The following KATNB1 variants were observed in gnomAD, a reference collection of about 807,000 sequenced individuals.
KATNB1 encodes the protein katanin regulatory subunit B1.
Under a neutral mutation model 82.3 loss-of-function variants are expected in KATNB1, and 38 were observed. That is an observed-to-expected ratio of 0.46 (90% CI 0.36 to 0.61). KATNB1 has a LOEUF of 0.61. Among genes scored for constraint, KATNB1 ranks in the 20% least tolerant of loss-of-function variants. The pLI is 0.00. For synonymous variants in KATNB1, 361 were observed against 368.7 expected (o/e 0.98, Z 0.24); for missense variants, 749 against 915.7 (o/e 0.82, Z 2.35).
intron 4 of KATNB1, among the ~76,000 whole-genome samples, chr16:57,748,330 C>G (rs1268143598): frequency 6.6e-6 from 1 of 152,034 alleles, no homozygotes; most frequent in Admixed American, 6.6e-5. Context: ...GGAAAGGTTC[C>G]AAAGAGAGCT....
In KATNB1 at chr16:57,750,810, G is replaced by T. The variant is rs782227383; in HGVS notation, c.290-17G>T. ...CATTTGCCTCTTAGCCACTGTCTCT[G>T]CTTTCCTTCTTGTTAGTTCTTCGCA... On this transcript the variant is annotated splice_polypyrimidine_tract_variant and intron_variant, in intron 4 of 19. Transcript: ENST00000379661. 8.1e-6 allele frequency: 13 copies of T among 1,608,106 alleles called. No individual in the cohort carries two copies. In the African/African-American group the frequency reaches 1.6e-4, roughly 20 times the overall value.
In KATNB1 at chr16:57,744,503, C is replaced by G. The variant is rs1555580760; in HGVS notation, c.281C>G (p.Ala94Gly). 1 of 1,613,660 alleles carries G rather than the reference C, an allele frequency of 6.2e-7. No homozygotes were observed. Among genetic ancestry groups the G allele is most frequent in the South Asian group, 1.1e-5 (1 of 91,084 alleles). Residue 94 changes from alanine (A) to glycine (G), a missense_variant, in exon 4 of 20, where the codon GCT becomes GGT. By Grantham distance (60) the Ala-to-Gly change is moderately conservative. Coordinates refer to ENST00000379661, the MANE Select transcript of KATNB1 (RefSeq NM_005886.3). The stretch of plus-strand genomic sequence containing the variant: ...TCCATCCGTGTCTGGGACCTGGAAG[C>G]TGCCAAAAGTAGGCCTCCGAGCTTG... ...SGSIRVWDLE[A>G]AKILRTLMGH...
chr16:57,750,500 C>A (rs1445865509), intron 4 of KATNB1, among the ~76,000 whole-genome samples: 1 of 152,096 alleles, frequency 6.6e-6, no homozygotes, highest in Non-Finnish European at 1.5e-5. Flanking sequence ...GTGGCACATG[C>A]TTGTAATCCC....
In KATNB1 at chr16:57,754,882, G is replaced by C. The variant is rs374188327; in HGVS notation, c.1229-48G>C. 2.5e-5 allele frequency: 40 copies of C among 1,602,712 alleles called. No homozygotes were observed. In the African/African-American group the frequency reaches 4.2e-4, roughly 17 times the overall value. On this transcript the variant is annotated intron_variant, in intron 13 of 19. Transcript: ENST00000379661. ...TCCCGCCCTGAGCCCTGCCCTTCTT[G>C]CCAGGCCCTTCTGGCCGGACCCAGT...
rs1282096469 is a variant in KATNB1, at chr16:57,737,226, G to A, written c.-18G>A. On this transcript the variant is annotated 5_prime_UTR_variant, in exon 2 of 20. The change creates a new upstream start codon in the 5' untranslated region. Coordinates refer to ENST00000379661, the MANE Select transcript of KATNB1 (RefSeq NM_005886.3). ...GTTTATTTTGTGGGTGGGGCTTCAG[G>A]TGCCAGCCAGCTGAAGGATGGCCAC... 6.2e-7 allele frequency: 1 copy of A among 1,614,102 alleles called. No individual in the cohort carries two copies. Among genetic ancestry groups the A allele is most frequent in the South Asian group, 1.1e-5 (1 of 91,082 alleles).
At chr16:57,753,880 A>G in intron 12 of KATNB1, 65 bp from the exon 13 acceptor site, 1 of 1,508,374 alleles carries the variant, frequency 6.6e-7, no homozygotes, top group South Asian at 1.1e-5. Context: ...CACTCTGGAC[A>G]GGGCCCTGGG....
chr16:57,748,771 A>G (rs1237652062), intron 4 of KATNB1, among the ~76,000 whole-genome samples: 1 of 152,226 alleles, frequency 6.6e-6, no homozygotes, highest in East Asian at 1.9e-4. Flanking sequence ...AGCTCAGCGC[A>G]GGGGATCCCA....
chr16:57,755,020 G>T (rs1346780501), intron 14 of KATNB1, 23 bp downstream of exon 14: 1 of 1,613,768 alleles, frequency 6.2e-7, no homozygotes, highest in Admixed American at 1.7e-5. Flanking sequence ...AGGGAGCATG[G>T]TGTGGGGCCT....
chr16:57,741,115 T>C (rs2049138701), intron 2 of KATNB1, among the ~76,000 whole-genome samples: 1 of 152,194 alleles, frequency 6.6e-6, no homozygotes, highest in South Asian at 2.1e-4. Flanking sequence ...ATTGTGAATC[T>C]GAGCCGAAGC....
Position 57,755,982 on chromosome 16 carries a change from C to T in KATNB1, c.1644-10C>T. Reference sequence around the variant, plus strand: ...CTGGGCTGATGGCAGCATGTCCTGGCCTCTCCTAGCTCCCTGTGGAAGCTG... The same window carrying T: ...CTGGGCTGATGGCAGCATGTCCTGGTCTCTCCTAGCTCCCTGTGGAAGCTG... On this transcript the variant is annotated splice_polypyrimidine_tract_variant and intron_variant, in intron 17 of 19. Transcript: ENST00000379661. 2.5e-6 allele frequency: 4 copies of T among 1,613,404 alleles called. No individual in the cohort carries two copies. Among genetic ancestry groups the T allele is most frequent in the Non-Finnish European group, 3.4e-6 (4 of 1,179,924 alleles).
intron 3 of KATNB1, among the ~76,000 whole-genome samples, chr16:57,742,182 C>T (rs1439255252): frequency 6.6e-6 from 1 of 152,354 alleles, no homozygotes; most frequent in African/African-American, 2.4e-5. Context: ...TCCCACCTGC[C>T]CATCTGCCTG....
intron 8 of KATNB1, 70 bp from the exon 9 acceptor site, chr16:57,752,460 G>A: frequency 7.2e-7 from 1 of 1,392,190 alleles, no homozygotes; most frequent in South Asian, 1.2e-5. Flanking sequence ...GAGAAAAGCT[G>A]GCTTCCCAGG....
chr16:57,753,345 T>C, intron 11 of KATNB1, 44 bp from the exon 12 acceptor site: 1 of 1,591,862 alleles, frequency 6.3e-7, no homozygotes, highest in Non-Finnish European at 8.6e-7. Flanking sequence ...GCCCTGGGCC[T>C]CACAGGGCAC....
At position 57,755,944 on chromosome 16, in the gene KATNB1, C is replaced by T. The variant is rs139305270; in HGVS notation, c.1643+27C>T. The T allele has an allele frequency of 8.6e-4, 1,388 of 1,606,422 alleles. 8 individuals carry two copies. The African/African-American group carries it at 0.013, about 15-fold the overall frequency. Reference sequence around the variant, plus strand: ...TAAGTGGCTGCAGAGGGGGAGTGGGCGGAGGGGCAGGGCTGGGCTGATGGC... The same window carrying T: ...TAAGTGGCTGCAGAGGGGGAGTGGGTGGAGGGGCAGGGCTGGGCTGATGGC... On this transcript the variant is annotated intron_variant, in intron 17 of 19. Coordinates refer to ENST00000379661, the MANE Select transcript of KATNB1 (RefSeq NM_005886.3).
Position 57,751,412 on chromosome 16 carries a change from A to G in KATNB1, c.432+110A>G, listed in dbSNP as rs376377811. On this transcript the variant is annotated intron_variant, in intron 6 of 19. Coordinates refer to ENST00000379661, the MANE Select transcript of KATNB1 (RefSeq NM_005886.3). The surrounding 1 kb of genome is among the most constrained non-coding windows in gnomAD (Gnocchi z 6.3). ...AGGGGACGGCTGTCCCACATGGGTG[A>G]TAACATAAAACATAGACCTGGAGCT... 1 of 1,172,924 alleles carries G rather than the reference A, an allele frequency of 8.5e-7. No homozygotes were observed. The allele number at this position is 1,172,924 out of a possible 1,614,324, so 72.7% of individuals were successfully genotyped here.
At chr16:57,752,092 C>A in intron 8 of KATNB1, 37 bp downstream of exon 8, 1 of 1,319,590 alleles carries the variant, frequency 7.6e-7, no homozygotes, top group East Asian at 2.3e-5. Flanking sequence ...CTTGTGACTG[C>A]TGTCCTTCAC....
At chr16:57,755,801 C>G in intron 16 of KATNB1, 40 bp from the exon 17 acceptor site, 1 of 1,546,886 alleles carries the variant, frequency 6.5e-7, no homozygotes. Context: ...GCCACACTGT[C>G]CCCCACTGCC....
intron 2 of KATNB1, among the ~76,000 whole-genome samples, chr16:57,740,899 G>A (rs970575185): frequency 2.6e-5 from 4 of 152,070 alleles, no homozygotes; most frequent in Non-Finnish European, 2.9e-5. Context: ...GACTAGCCCC[G>A]AGCCTGCCCA....
At position 57,751,749 on chromosome 16, in the gene KATNB1, C is replaced by T. The variant is rs782504418; in HGVS notation, c.516+25C>T. ...GGTAGCTCCCGGCCTGACCTGGGCC[C>T]AGGGGCTGGGGGCTGGGGTCTGCTG... On this transcript the variant is annotated intron_variant, in intron 7 of 19. Transcript: ENST00000379661. The surrounding 1 kb of genome is among the most constrained non-coding windows in gnomAD (Gnocchi z 6.3). 20 of 1,604,796 alleles carry T rather than the reference C, an allele frequency of 1.2e-5. 1 individual carries two copies. In the South Asian group the frequency reaches 2.2e-4, roughly 18 times the overall value.
Sources: allele counts gnomAD v4.1 joint callset (sites outside exome capture counted in the v4.1 genomes callset), GRCh38; gene constraint gnomAD v4.1.1; non-coding constraint Gnocchi (gnomAD v3.1); transcripts MANE v1.5; gene names NCBI Gene and HGNC (gene_info 2026-07-23, HGNC 2026-07-21).